KCNN3: variants seen among roughly 807,000 people sequenced by gnomAD.
KCNN3 encodes small conductance calcium-activated potassium channel protein 3.
Under a neutral mutation model 62.9 loss-of-function variants are expected in KCNN3, and 16 were observed. The ratio of observed to expected loss-of-function variants is 0.25; its 90% CI spans 0.17 to 0.39. The LOEUF (loss-of-function observed/expected upper bound fraction) is 0.39. KCNN3 is among the 10% of genes least tolerant of loss of function. KCNN3 has a pLI of 1.00. For missense variants in KCNN3, 599 were observed against 949.4 expected, an observed-to-expected ratio of 0.63 and a Z score of 4.85; for synonymous variants, 370 against 389.2, an observed-to-expected ratio of 0.95 and a Z score of 0.58.
chr1:154,847,786 G>A (rs1400982303), intron 1 of KCNN3, among the ~76,000 whole-genome samples: 1 of 152,148 alleles, frequency 6.6e-6, no homozygotes, highest in Non-Finnish European at 1.5e-5. Context: ...CATTTATTGA[G>A]CTAAGAACAT....
chr1:154,767,253 C>T (rs1490731517), intron 3 of KCNN3, among the ~76,000 whole-genome samples: 2 of 152,146 alleles, frequency 1.3e-5, no homozygotes, highest in Non-Finnish European at 2.9e-5. Context: ...AATAAAATTT[C>T]TCATTAAAAT....
chr1:154,708,526 A>T (rs917490654), intron 7 of KCNN3, among the ~76,000 whole-genome samples: 1 of 152,054 alleles, frequency 6.6e-6, no homozygotes, highest in African/African-American at 2.4e-5. Flanking sequence ...AGGGGAAAAA[A>T]ATGGCCCTTT....
intron 2 of KCNN3, among the ~76,000 whole-genome samples, chr1:154,784,538 C>T (rs143972159): frequency 2.0e-5 from 3 of 152,368 alleles, no homozygotes; most frequent in Non-Finnish European, 4.4e-5. Flanking sequence ...CTGGTCCCTT[C>T]TGACTCCCAG....
At chr1:154,745,470 C>G (rs770785603) in intron 3 of KCNN3, among the ~76,000 whole-genome samples, 1 of 152,234 alleles carries the variant, frequency 6.6e-6, no homozygotes, top group African/African-American at 2.4e-5. Context: ...AGAGGTGGGA[C>G]AGCTGGCTGG....
Position 154,772,009 on chromosome 1 carries a change from T to A in KCNN3, c.1414A>T (p.Ile472Phe). ...ACACGGACGGTCCAGGCAGCAATGATCCACAGAGAGATGCTGAACACGAGC... is the reference window on the plus strand; with the variant it reads ...ACACGGACGGTCCAGGCAGCAATGAACCACAGAGAGATGCTGAACACGAGC... ...VLLVFSISLW[I>F]IAAWTVRVCE... The change falls in exon 3 of 8, where the codon ATC (isoleucine) becomes TTC (phenylalanine). Residue 472 changes from isoleucine (I) to phenylalanine (F), a missense_variant. Ile to Phe is a conservative substitution (Grantham distance 21). This residue lies in a region of KCNN3 where 288 missense variants were observed against 557.4 expected (regional missense o/e 0.52). Coordinates refer to ENST00000271915, the MANE Select transcript of KCNN3 (RefSeq NM_002249.6). The surrounding 1 kb of genome is among the most constrained non-coding windows in gnomAD (Gnocchi z 5.6). 6.2e-7 allele frequency: 1 copy of A among 1,614,124 alleles called. No individual in the cohort carries two copies. The highest frequency in any genetic ancestry group is 8.5e-7 in the Non-Finnish European group (1 of 1,180,040).
At chr1:154,826,087 A>C (rs1245321901) in intron 1 of KCNN3, among the ~76,000 whole-genome samples, 3 of 150,732 alleles carry the variant, frequency 2.0e-5, no homozygotes, top group African/African-American at 4.9e-5. Context: ...AAACAAAAAC[A>C]AAAAAAACCA....
chr1:154,864,354 T>G (rs1377397228), intron 1 of KCNN3, among the ~76,000 whole-genome samples: 1 of 152,248 alleles, frequency 6.6e-6, no homozygotes, highest in African/African-American at 2.4e-5. Flanking sequence ...AAACAGAAGG[T>G]GCAGAGCCAC....
intron 2 of KCNN3, among the ~76,000 whole-genome samples, chr1:154,812,116 C>T (rs1204394726): frequency 1.3e-5 from 2 of 152,224 alleles, no homozygotes; most frequent in Non-Finnish European, 2.9e-5. Flanking sequence ...GGATCTGAGG[C>T]ACACCCCTGA....
At chr1:154,821,408 C>T (rs1229699092) in intron 2 of KCNN3, among the ~76,000 whole-genome samples, 3 of 152,220 alleles carry the variant, frequency 2.0e-5, no homozygotes, top group Admixed American at 2.0e-4. Flanking sequence ...GAAGATGCTT[C>T]AGATCTGTTC....
Position 154,869,278 on chromosome 1 carries a change from G to C in KCNN3, c.687C>G (p.Ala229=). The C allele has an allele frequency of 6.2e-7, 1 of 1,614,004 alleles. No individual in the cohort carries two copies. The highest frequency in any genetic ancestry group is 8.5e-7 in the Non-Finnish European group (1 of 1,179,968). ...IVISSREDNH[A]HQTLLHHPNA... ...TAGGGTGATGGAGCAGGGTCTGGTG[G>C]GCATGGTTGTCCTCCCGGGAGGAGA... The change falls in exon 1 of 8, where the codon GCC becomes GCG. Residue 229 remains alanine (A), a synonymous_variant. Coordinates refer to ENST00000271915, the MANE Select transcript of KCNN3 (RefSeq NM_002249.6). This position sits in a 1 kb window ranked among gnomAD's most constrained non-coding sequence, Gnocchi z 6.1.
intron 1 of KCNN3, among the ~76,000 whole-genome samples, chr1:154,828,412 G>A (rs1039759540): frequency 8.6e-5 from 13 of 151,588 alleles, no homozygotes; most frequent in African/African-American, 1.7e-4. Flanking sequence ...GGTGTGAAAC[G>A]GTCAGCCACA....
chr1:154,858,768 AC>A (rs1652638336), intron 1 of KCNN3, among the ~76,000 whole-genome samples: 2 of 147,900 alleles, frequency 1.4e-5, no homozygotes, highest in African/African-American at 5.0e-5. Context: ...ACAAGGTGTC[AC>A]TATGTTGCCC....
At chr1:154,768,378 C>T (rs1032992707) in intron 3 of KCNN3, among the ~76,000 whole-genome samples, 2 of 152,176 alleles carry the variant, frequency 1.3e-5, no homozygotes, top group East Asian at 1.9e-4. Context: ...AAGTGCTTTG[C>T]CTGTTTAGGA....
chr1:154,816,086 T>C (rs1342524067), intron 2 of KCNN3, among the ~76,000 whole-genome samples: 1 of 152,240 alleles, frequency 6.6e-6, no homozygotes, highest in Admixed American at 6.5e-5. Flanking sequence ...TATTGGTATT[T>C]AATGAAAATA....
intron 1 of KCNN3, among the ~76,000 whole-genome samples, chr1:154,824,080 G>A (rs1391320830): frequency 1.3e-5 from 2 of 152,202 alleles, no homozygotes; most frequent in African/African-American, 4.8e-5. Context: ...CATTTGCTGA[G>A]CACTTGCTAG....
In KCNN3 at chr1:154,759,145, G is replaced by A. The variant is rs897302808; in HGVS notation, c.1448+12830C>T. On this transcript the variant is annotated intron_variant, in intron 3 of 7. Transcript: ENST00000271915. ...ATTTTTAAAAACCCTTCTAGCAGCT[G>A]CGCTATGTGAGCCAGGAATGCAGGG... 2.6e-5 allele frequency among the ~76,000 whole-genome samples: 4 copies of A among 152,208 alleles called. No individual in the cohort carries two copies. The South Asian group carries it at 8.3e-4, about 32-fold the overall frequency.
chr1:154,702,721 ATATATATATATATATATATATATATATG>A lies in KCNN3; in HGVS notation c.*5227_*5254del, dbSNP rs1378626696. The A allele has an allele frequency of 2.5e-5, 3 of 119,808 alleles. No homozygotes were observed. In the East Asian group the frequency reaches 6.8e-4, roughly 27 times the overall value. 7.4% of individuals were successfully genotyped at this position (119,808 alleles called of 1,614,324 possible). A position where few individuals can be genotyped will look rare whatever the true frequency, so the allele number is the denominator to read the frequency against. ...TTCAGATATATATATATATATATAT[ATATATATATATATATATATATATATATG>A]TACTTTTTCTTTTTGGCTATAAATG... On this transcript the variant is annotated 3_prime_UTR_variant, in exon 8 of 8. Transcript: ENST00000271915.
chr1:154,843,941 C>T (rs887880287), intron 1 of KCNN3, among the ~76,000 whole-genome samples: 1 of 152,170 alleles, frequency 6.6e-6, no homozygotes, highest in Admixed American at 6.5e-5. Flanking sequence ...GCACAGGGTG[C>T]GGTGCCCCTG....
intron 3 of KCNN3, among the ~76,000 whole-genome samples, chr1:154,739,859 T>G (rs1700793065): frequency 1.3e-5 from 2 of 152,244 alleles, no homozygotes; most frequent in African/African-American, 4.8e-5. Context: ...ATGAGTAGCT[T>G]AGAAGCAGGT....
Sources: gnomAD v4.1 joint callset for allele counts (sites outside exome capture counted in the v4.1 genomes callset) on GRCh38, gnomAD v4.1.1 for gene constraint, gnomAD v4.1.1 regional missense constraint, Gnocchi (gnomAD v3.1) non-coding constraint, MANE v1.5 for transcripts, NCBI Gene and HGNC (gene_info 2026-07-23, HGNC 2026-07-21) for gene names.